LIMS2: variants seen among roughly 807,000 people sequenced by gnomAD.
LIMS2 encodes the protein LIM zinc finger domain containing 2.
Under a neutral mutation model 45.3 loss-of-function variants are expected in LIMS2, and 30 were observed. The observed-to-expected ratio is 0.66, with a 90% CI of 0.50 to 0.90. The LOEUF is 0.90. Among genes scored for constraint, LIMS2 ranks in the 40% least tolerant of loss-of-function variants. The pLI is 0.00. For synonymous variants in LIMS2, 173 were observed against 188.0 expected (o/e 0.92, Z 0.65); for missense variants, 485 against 468.7 (o/e 1.03, Z -0.32).
In LIMS2 at chr2:127,644,336, C is replaced by T. The variant is rs139470174; in HGVS notation, c.360-1264G>A. Among the ~76,000 whole-genome samples the T allele has an allele frequency of 2.0e-3, 299 of 152,252 alleles. 1 individual carries two copies. The highest frequency in any genetic ancestry group is 6.3e-3 in the African/African-American group (261 of 41,550). ...AGCCTCGGTGGGCATCATCTCCCCT[C>T]GACTACTGGCCAGAGCCCTGGCTCT... On this transcript the variant is annotated intron_variant, in intron 4 of 9. Coordinates refer to ENST00000355119, the MANE Select transcript of LIMS2 (RefSeq NM_001161403.3).
rs772907394 is a variant in LIMS2 at position 127,650,832 on chromosome 2, C to T, written c.359+3592G>A. ...CCAGGAGACGCCACTGGAGAACATG[C>T]TGTTCGCCTCCTTCTACCTTCTGGA... On this transcript the variant is annotated intron_variant, in intron 4 of 9. Coordinates refer to ENST00000355119, the MANE Select transcript of LIMS2 (RefSeq NM_001161403.3). 10 of 1,613,948 alleles carry T rather than the reference C, an allele frequency of 6.2e-6. No homozygotes were observed. In the South Asian group the frequency reaches 1.1e-4, roughly 18 times the overall value.
chr2:127,656,125 G>T (rs577295895), intron 2 of LIMS2: 2 of 152,384 alleles, frequency 1.3e-5, no homozygotes, highest in African/African-American at 4.8e-5. Context: ...TAATTAGCAA[G>T]TGGTATGCTT....
Position 127,647,984 on chromosome 2 carries a change from C to T in LIMS2, c.360-4912G>A. 2.0e-6 allele frequency: 2 copies of T among 982,166 alleles called. No homozygotes were observed. Among genetic ancestry groups the T allele is most frequent in the Non-Finnish European group, 2.4e-6 (2 of 826,894 alleles). 60.8% of individuals were successfully genotyped at this position (982,166 alleles called of 1,614,324 possible). A position where few individuals can be genotyped will look rare whatever the true frequency, so the allele number is the denominator to read the frequency against. On this transcript the variant is annotated intron_variant, in intron 4 of 9. Coordinates refer to ENST00000355119, the MANE Select transcript of LIMS2 (RefSeq NM_001161403.3). This position sits in a 1 kb window ranked among gnomAD's most constrained non-coding sequence, Gnocchi z 4.3. ...CCACAGCCCCCTTCACAGCCCTCAG[C>T]CCTTCCCCAGGGCTTCAGCCAAGCC...
chr2:127,667,267 G>T lies in LIMS2; in HGVS notation c.11+7747C>A, dbSNP rs1321981772. 1.3e-5 allele frequency among the ~76,000 whole-genome samples: 2 copies of T among 152,012 alleles called. No individual in the cohort carries two copies. Among genetic ancestry groups the T allele is most frequent in the Non-Finnish European group, 2.9e-5 (2 of 68,000 alleles). ...GATCACGCCACTGCACTCCAGCCTGGGTGACAGAGTGAGATCTTGTCTCAA... is the reference window on the plus strand; with the variant it reads ...GATCACGCCACTGCACTCCAGCCTGTGTGACAGAGTGAGATCTTGTCTCAA... On this transcript the variant is annotated intron_variant, in intron 1 of 9. Transcript: ENST00000355119. This position sits in a 1 kb window ranked among gnomAD's most constrained non-coding sequence, Gnocchi z 4.1.
At chr2:127,678,180 C>A (rs114205936), upstream of LIMS2, among the ~76,000 whole-genome samples, 611 of 152,244 alleles carry the variant, frequency 4.0e-3, 4 homozygotes, top group African/African-American at 0.014. This position sits in a 1 kb window ranked among gnomAD's most constrained non-coding sequence, Gnocchi z 5.3. Flanking sequence ...TGTGGTGGAT[C>A]CCCGTAGTCC....
chr2:127,650,884 C>A (rs752399562), intron 4 of LIMS2: 1 of 1,614,110 alleles, frequency 6.2e-7, no homozygotes. Flanking sequence ...GTTGGCAATA[C>A]CCTGGCTCTG....
chr2:127,664,350 C>G lies in LIMS2; in HGVS notation c.12-6788G>C, dbSNP rs1684875407. On this transcript the variant is annotated intron_variant, in intron 1 of 9. Coordinates refer to ENST00000355119, the MANE Select transcript of LIMS2 (RefSeq NM_001161403.3). The surrounding 1 kb of genome is among the most constrained non-coding windows in gnomAD (Gnocchi z 5.5). Reference sequence around the variant, plus strand: ...TCTGCCGGTGCTGGCGCCGCCGGTACAGCCCCGACGCGGCCAGCGCACCCA... The same window carrying G: ...TCTGCCGGTGCTGGCGCCGCCGGTAGAGCCCCGACGCGGCCAGCGCACCCA... 4 of 1,224,548 alleles carry G rather than the reference C, an allele frequency of 3.3e-6. No homozygotes were observed. The highest frequency in any genetic ancestry group is 4.1e-6 in the Non-Finnish European group (4 of 983,688). 75.9% of individuals were successfully genotyped at this position (1,224,548 alleles called of 1,614,324 possible). A position where few individuals can be genotyped will look rare whatever the true frequency, so the allele number is the denominator to read the frequency against.
At chr2:127,649,973 A>T in intron 4 of LIMS2, 1 of 1,570,214 alleles carries the variant, frequency 6.4e-7, no homozygotes, top group Non-Finnish European at 8.7e-7. Context: ...ATACCCAGGC[A>T]CAGGCTTCTC....
chr2:127,657,735 AC>A (rs1008476243), intron 1 of LIMS2, among the ~76,000 whole-genome samples, 173 bp from the exon 2 acceptor site: 1 of 152,040 alleles, frequency 6.6e-6, no homozygotes, highest in Non-Finnish European at 1.5e-5. Flanking sequence ...TGTAGTGCCC[AC>A]CCCTTGGGGT....
rs1173056476 is a variant in LIMS2 at position 127,664,824 on chromosome 2, T to G, written c.12-7262A>C. Among the ~76,000 whole-genome samples the G allele has an allele frequency of 6.6e-6, 1 of 152,136 alleles. No homozygotes were observed. The highest frequency in any genetic ancestry group is 2.4e-5 in the African/African-American group (1 of 41,440). On this transcript the variant is annotated intron_variant, in intron 1 of 9. Transcript: ENST00000355119. The surrounding 1 kb of genome is among the most constrained non-coding windows in gnomAD (Gnocchi z 5.5). ...GGAGGACAGGGAGGACCTGGCGCCT[T>G]TAGGATCCCTGCCAACAGTTAGGAA...
upstream of LIMS2, among the ~76,000 whole-genome samples, chr2:127,679,082 G>T (rs1195653811): frequency 6.6e-6 from 1 of 152,146 alleles, no homozygotes. The surrounding 1 kb of genome is among the most constrained non-coding windows in gnomAD (Gnocchi z 5.3). Context: ...GTGCGCCACT[G>T]CCCCGTGTGC....
At chr2:127,651,326 G>A in intron 4 of LIMS2, 2 of 1,610,868 alleles carry the variant, frequency 1.2e-6, no homozygotes, top group East Asian at 2.2e-5. Flanking sequence ...TGGTGTCCCT[G>A]GCAGTGGCCT....
intron 1 of LIMS2, chr2:127,673,699 G>A (rs1685378302): frequency 1.3e-6 from 2 of 1,551,444 alleles, no homozygotes; most frequent in East Asian, 2.4e-5. Context: ...TGCTGCTGCT[G>A]GGGCTGCTCC....
At chr2:127,643,636 C>G in intron 4 of LIMS2, 1 of 455,134 alleles carries the variant, frequency 2.2e-6, no homozygotes, top group Non-Finnish European at 4.4e-6. Context: ...GTGAAGACCT[C>G]AGAATAATTT....
At position 127,646,248 on chromosome 2, in the gene LIMS2, A is replaced by C. The variant is rs1682964530; in HGVS notation, c.360-3176T>G. The C allele has an allele frequency of 1.3e-5, 2 of 152,346 alleles. 1 individual carries two copies. Among genetic ancestry groups the C allele is most frequent in the Non-Finnish European group, 2.9e-5 (2 of 68,108 alleles). The allele number at this position is 152,346 out of a possible 1,614,324, so 9.4% of individuals were successfully genotyped here. A position where few individuals can be genotyped will look rare whatever the true frequency, so the allele number is the denominator to read the frequency against. ...CCTCCCGGACCAGCAGCTAGAGGTA[A>C]GGGGCAGGCTGGGTGGGGTGGACTG... On this transcript the variant is annotated intron_variant, in intron 4 of 9. Transcript: ENST00000355119.
chr2:127,648,198 C>A (rs1228294841), intron 4 of LIMS2: 36 of 985,378 alleles, frequency 3.7e-5, no homozygotes, highest in Non-Finnish European at 4.2e-5. Context: ...TAAGAACAGA[C>A]CCTGTTCCTG....
chr2:127,654,976 C>T (rs1329119417), intron 2 of LIMS2, 80 bp from the exon 3 acceptor site: 3 of 1,349,436 alleles, frequency 2.2e-6, no homozygotes, highest in East Asian at 2.4e-5. Flanking sequence ...TGGGTCAGGA[C>T]CTGACAGCAG....
rs745417584 is a variant in LIMS2, at chr2:127,672,950, A to C, written c.11+2064T>G. On this transcript the variant is annotated intron_variant, in intron 1 of 9. Transcript: ENST00000355119. The surrounding 1 kb of genome is among the most constrained non-coding windows in gnomAD (Gnocchi z 4.9). ...GGCACGAGGAGCTGCCCGGGATCAC[A>C]TGGGAACAGTGGACGTGGGGAAGGG... 4.3e-4 allele frequency among the ~76,000 whole-genome samples: 66 copies of C among 152,344 alleles called. No individual in the cohort carries two copies. The highest frequency in any genetic ancestry group is 7.2e-4 in the Non-Finnish European group (49 of 68,020).
intron 4 of LIMS2, chr2:127,644,183 T>G: frequency 4.5e-6 from 2 of 445,294 alleles, no homozygotes; most frequent in Non-Finnish European, 4.6e-6. Flanking sequence ...GGCCCAGCAG[T>G]CACTGGCTAA....
Sources: gnomAD v4.1 joint callset for allele counts (sites outside exome capture counted in the v4.1 genomes callset) on GRCh38, gnomAD v4.1.1 for gene constraint, Gnocchi (gnomAD v3.1) non-coding constraint, MANE v1.5 for transcripts, NCBI Gene and HGNC (gene_info 2026-07-23, HGNC 2026-07-21) for gene names.